Variants in CBFA2T2 observed in about 807,000 individuals in gnomAD.
CBFA2T2 encodes the protein protein CBFA2T2.
In CBFA2T2, 11 loss-of-function variants were observed where a neutral mutation model predicts 62.2. That is an observed-to-expected ratio of 0.18 (90% CI 0.11 to 0.29). The LOEUF (loss-of-function observed/expected upper bound fraction) is 0.29, where lower values mean the gene tolerates loss of function less well. Ranked by LOEUF, CBFA2T2 falls within the 10% of genes least tolerant of loss-of-function variation. CBFA2T2 has a pLI of 1.00. For synonymous variants in CBFA2T2, 295 were observed against 287.5 expected, an observed-to-expected ratio of 1.03 and a Z score of -0.27; for missense variants, 592 against 774.1, an observed-to-expected ratio of 0.76 and a Z score of 2.79.
At chr20:33,580,256 A>AT (rs1180565566) in intron 1 of CBFA2T2, among the ~76,000 whole-genome samples, 1 of 152,218 alleles carries the variant, frequency 6.6e-6, no homozygotes, top group Non-Finnish European at 1.5e-5. Context: ...GCCTATTATT[A>AT]TCAAAACATA....
intron 3 of CBFA2T2, among the ~76,000 whole-genome samples, chr20:33,617,661 A>C (rs2015760393): frequency 6.6e-6 from 1 of 152,230 alleles, no homozygotes; most frequent in South Asian, 2.1e-4. Context: ...AAAGAGTGTC[A>C]TTCTCTTACA....
chr20:33,535,608 A>T (rs201706159), intron 1 of CBFA2T2, among the ~76,000 whole-genome samples: 10,326 of 134,798 alleles, frequency 0.077, 952 homozygotes, highest in African/African-American at 0.22. Context: ...TTTTATTTTT[A>T]TTTTTTTATT....
chr20:33,624,705 A>T (rs1330167805), intron 5 of CBFA2T2, 59 bp from the exon 6 acceptor site: 2 of 1,583,114 alleles, frequency 1.3e-6, no homozygotes, highest in African/African-American at 2.7e-5. Flanking sequence ...GGTTCTCAGG[A>T]AATGTCTGCA....
intron 1 of CBFA2T2, among the ~76,000 whole-genome samples, chr20:33,576,250 A>G (rs2013822008): frequency 6.6e-6 from 1 of 152,130 alleles, no homozygotes; most frequent in South Asian, 2.1e-4. Context: ...GGAGAGCACA[A>G]CCTGTTTTAT....
intron 1 of CBFA2T2, among the ~76,000 whole-genome samples, chr20:33,537,033 G>A (rs1321158341): frequency 6.6e-6 from 1 of 150,640 alleles, no homozygotes; most frequent in Non-Finnish European, 1.5e-5. Flanking sequence ...GGCTCCTCAC[G>A]TCCCAGACGA....
At chr20:33,545,979 A>G (rs1168050940) in intron 1 of CBFA2T2, among the ~76,000 whole-genome samples, 2 of 152,250 alleles carry the variant, frequency 1.3e-5, no homozygotes, top group Non-Finnish European at 2.9e-5. Flanking sequence ...AAATAATGAA[A>G]GCATTACTGT....
intron 1 of CBFA2T2, among the ~76,000 whole-genome samples, chr20:33,525,813 G>C (rs551700959): frequency 3.4e-4 from 51 of 152,184 alleles, no homozygotes; most frequent in Middle Eastern, 3.4e-3. Context: ...CACCATGCCT[G>C]TGACCAGTTT....
intron 1 of CBFA2T2, chr20:33,573,973 G>A: frequency 2.5e-6 from 1 of 405,226 alleles, no homozygotes; most frequent in Non-Finnish European, 4.2e-6. Context: ...TTTTTTTGTA[G>A]AGGTGGGGTT....
intron 1 of CBFA2T2, among the ~76,000 whole-genome samples, chr20:33,525,231 G>T (rs1247011097): frequency 1.3e-5 from 2 of 151,166 alleles, no homozygotes; most frequent in African/African-American, 2.4e-5. Context: ...TGTTGCCCAG[G>T]CTGGAGTGCA....
chr20:33,609,909 T>C (rs1335942801), intron 2 of CBFA2T2, among the ~76,000 whole-genome samples: 1 of 152,238 alleles, frequency 6.6e-6, no homozygotes, highest in African/African-American at 2.4e-5. Context: ...TTTTAGTTTT[T>C]TAAGGCTGGA....
Position 33,490,114 on chromosome 20 carries a change from G to GGCGA in CBFA2T2, c.-154_-153insGCGA. On this transcript the variant is annotated 5_prime_UTR_variant, in exon 1 of 11. Transcript: ENST00000342704. ...CGGCGGCGGCGGCGGCGGCGACGGC[G>GGCGA]ACAGCAGCGGTGGTGGTGTCTGGTT... The GGCGA allele has an allele frequency of 1.4e-6, 1 of 726,588 alleles. No homozygotes were observed. The highest frequency in any genetic ancestry group is 1.9e-5 in the African/African-American group (1 of 52,924). 45.0% of individuals were successfully genotyped at this position (726,588 alleles called of 1,614,324 possible).
At chr20:33,626,563 G>A (rs541203926) in intron 6 of CBFA2T2, among the ~76,000 whole-genome samples, 4 of 152,298 alleles carry the variant, frequency 2.6e-5, no homozygotes, top group South Asian at 2.1e-4. Context: ...TGGACAGAGC[G>A]GTTTGTCATG....
chr20:33,549,224 A>G (rs1388160065), intron 1 of CBFA2T2, among the ~76,000 whole-genome samples: 2 of 152,176 alleles, frequency 1.3e-5, no homozygotes, highest in African/African-American at 4.8e-5. Context: ...ATGTTGGATT[A>G]AGGTGCTTGG....
chr20:33,513,523 A>G (rs1443077455), intron 1 of CBFA2T2, among the ~76,000 whole-genome samples: 1 of 151,222 alleles, frequency 6.6e-6, no homozygotes, highest in African/African-American at 2.4e-5. Flanking sequence ...CATCACGCCC[A>G]GCTAATTTTT....
intron 1 of CBFA2T2, among the ~76,000 whole-genome samples, chr20:33,539,440 C>T (rs560040804): frequency 2.7e-4 from 41 of 152,250 alleles, no homozygotes; most frequent in African/African-American, 9.9e-4. Flanking sequence ...CCTCATGTTT[C>T]GAGGTCAATG....
intron 1 of CBFA2T2, among the ~76,000 whole-genome samples, chr20:33,539,655 G>A (rs1324063947): frequency 6.6e-6 from 1 of 151,606 alleles, no homozygotes; most frequent in Non-Finnish European, 1.5e-5. Flanking sequence ...TTTGTAGGGT[G>A]ACAGCGAAGT....
intron 1 of CBFA2T2, among the ~76,000 whole-genome samples, chr20:33,522,362 T>TA (rs540203700): frequency 2.2e-3 from 339 of 152,192 alleles, no homozygotes; most frequent in South Asian, 4.6e-3. Context: ...GCAGCATAGA[T>TA]AAGTAAGCCA....
At chr20:33,533,777 C>A (rs1389544972) in intron 1 of CBFA2T2, among the ~76,000 whole-genome samples, 2 of 152,056 alleles carry the variant, frequency 1.3e-5, no homozygotes, top group African/African-American at 4.8e-5. Flanking sequence ...GAGTTCAAGA[C>A]CAGCTTGGCC....
intron 1 of CBFA2T2, among the ~76,000 whole-genome samples, chr20:33,571,569 T>C (rs1055746793): frequency 9.9e-5 from 15 of 152,226 alleles, no homozygotes; most frequent in African/African-American, 3.6e-4. Flanking sequence ...TTTTGTTTGT[T>C]ACACTCCCAG....
Sources: allele counts gnomAD v4.1 joint callset (sites outside exome capture counted in the v4.1 genomes callset), GRCh38; gene constraint gnomAD v4.1.1; transcripts MANE v1.5; gene names NCBI Gene and HGNC (gene_info 2026-07-23, HGNC 2026-07-21).